Variants in ANKS1B observed in about 807,000 individuals in gnomAD.
ANKS1B encodes the protein ankyrin repeat and sterile alpha motif domain-containing protein 1B.
A neutral mutation model predicts 148.3 loss-of-function variants in ANKS1B; 36 were observed. The observed-to-expected ratio is 0.24, with a 90% confidence interval of 0.19 to 0.32. The LOEUF (loss-of-function observed/expected upper bound fraction) is 0.32. ANKS1B is among the 10% of genes least tolerant of loss of function. The pLI, the probability that ANKS1B is intolerant of heterozygous loss-of-function variation, is 1.00. For synonymous variants in ANKS1B, 542 were observed against 560.8 expected (o/e 0.97, Z 0.47); for missense variants, 1,157 against 1,542.6 (o/e 0.75, Z 4.19).
At chr12:98,969,204 T>C (rs1273879866) in intron 17 of ANKS1B, among the ~76,000 whole-genome samples, 1 of 152,192 alleles carries the variant, frequency 6.6e-6, no homozygotes, top group African/African-American at 2.4e-5. Context: ...TTAGTTTCTC[T>C]GGCCCTCAAT....
intron 15 of ANKS1B, among the ~76,000 whole-genome samples, chr12:99,087,371 C>T (rs2052278198): frequency 6.6e-6 from 1 of 152,070 alleles, no homozygotes; most frequent in Non-Finnish European, 1.5e-5. Flanking sequence ...TAGTGTCATT[C>T]TTATGCTTAA....
At chr12:99,423,367 C>T (rs1022007314) in intron 11 of ANKS1B, among the ~76,000 whole-genome samples, 3 of 152,136 alleles carry the variant, frequency 2.0e-5, no homozygotes, top group Non-Finnish European at 4.4e-5. Context: ...GAAAAAGGAA[C>T]ACTCATACAC....
At chr12:99,783,860 A>G (rs1262208223) in intron 4 of ANKS1B, among the ~76,000 whole-genome samples, 1 of 152,164 alleles carries the variant, frequency 6.6e-6, no homozygotes, top group Non-Finnish European at 1.5e-5. Context: ...ATTTTCAAAT[A>G]CTGGAAGAGA....
intron 17 of ANKS1B, among the ~76,000 whole-genome samples, chr12:98,933,668 T>G (rs895111969): frequency 6.6e-6 from 1 of 152,086 alleles, no homozygotes; most frequent in Admixed American, 6.6e-5. Flanking sequence ...TGGTGTCTTT[T>G]TAAAAAAATA....
intron 19 of ANKS1B, among the ~76,000 whole-genome samples, chr12:98,820,480 G>GA (rs2099177426): frequency 6.6e-6 from 1 of 152,176 alleles, no homozygotes; most frequent in African/African-American, 2.4e-5. Flanking sequence ...GTAGAGCCCT[G>GA]TGGTTTTATG....
intron 8 of ANKS1B, among the ~76,000 whole-genome samples, chr12:99,673,909 G>A (rs1031609356): frequency 2.6e-5 from 4 of 151,186 alleles, no homozygotes; most frequent in Non-Finnish European, 5.9e-5. Flanking sequence ...AATTTAGAAG[G>A]GTAAAGTATG....
Position 98,977,820 on chromosome 12 carries a change from C to T in ANKS1B, c.2778+75337G>A, listed in dbSNP as rs545436865. ...ATATCTGAAATAGCAGTTTATACTT[C>T]ATACTCATACAGTCAATAGACATTG... On this transcript the variant is annotated intron_variant, in intron 17 of 26. Coordinates refer to ENST00000683438, the MANE Select transcript of ANKS1B (RefSeq NM_001352186.2). Among the ~76,000 whole-genome samples the T allele has an allele frequency of 6.8e-4, 104 of 152,202 alleles. 1 individual carries two copies. In the Middle Eastern group the frequency reaches 0.031, roughly 45 times the overall value.
At chr12:98,752,165 C>T (rs2098111119) in intron 25 of ANKS1B, among the ~76,000 whole-genome samples, 1 of 152,336 alleles carries the variant, frequency 6.6e-6, no homozygotes, top group South Asian at 2.1e-4. Flanking sequence ...ATTGATGTCT[C>T]ATGCCTCCCT....
chr12:99,341,727 G>A (rs1407393660), intron 12 of ANKS1B, among the ~76,000 whole-genome samples: 1 of 152,048 alleles, frequency 6.6e-6, no homozygotes, highest in Non-Finnish European at 1.5e-5. Context: ...GGTAAGTACT[G>A]TAAGTAGGTA....
chr12:99,479,200 CTGAAT>C lies in ANKS1B; in HGVS notation c.1438+25271_1438+25275del, dbSNP rs1447037245. Among the ~76,000 whole-genome samples, 9 of 152,040 alleles carry C rather than the reference CTGAAT, an allele frequency of 5.9e-5. No individual in the cohort carries two copies. In the East Asian group the frequency reaches 1.5e-3, roughly 26 times the overall value. ...TTCTAAACATAAAGTTTTCAAATAACTGAATTGAACACCAAAAATCATTTTCCTTT... is the reference window on the plus strand; with the variant it reads ...TTCTAAACATAAAGTTTTCAAATAACTGAACACCAAAAATCATTTTCCTTT... On this transcript the variant is annotated intron_variant, in intron 10 of 26. Transcript: ENST00000683438.
chr12:99,657,344 A>G (rs2098454328), intron 8 of ANKS1B, among the ~76,000 whole-genome samples: 1 of 152,178 alleles, frequency 6.6e-6, no homozygotes, highest in African/African-American at 2.4e-5. Flanking sequence ...CTCCTTTGGT[A>G]CAATAACCTG....
intron 6 of ANKS1B, among the ~76,000 whole-genome samples, chr12:99,777,722 C>T (rs546388603): frequency 6.6e-6 from 1 of 151,794 alleles, no homozygotes; most frequent in Non-Finnish European, 1.5e-5. Flanking sequence ...GTAGCTGGGA[C>T]TACAGGCGCC....
chr12:99,616,021 G>A (rs2097955371), intron 9 of ANKS1B, among the ~76,000 whole-genome samples: 1 of 152,032 alleles, frequency 6.6e-6, no homozygotes, highest in Admixed American at 6.6e-5. Context: ...GCCAAATCAT[G>A]AGTGAACTCC....
intron 8 of ANKS1B, among the ~76,000 whole-genome samples, chr12:99,712,870 T>C (rs981354140): frequency 5.3e-5 from 8 of 151,250 alleles, no homozygotes; most frequent in Non-Finnish European, 1.0e-4. Context: ...GTCCATCCTC[T>C]GGGCCCGTGG....
chr12:99,099,939 C>T (rs533227335), intron 15 of ANKS1B: 14 of 152,276 alleles, frequency 9.2e-5, no homozygotes, highest in African/African-American at 3.1e-4. Flanking sequence ...GGACTGAGCT[C>T]CACAGATTAT....
At chr12:98,837,383 T>A (rs550834901) in intron 17 of ANKS1B, among the ~76,000 whole-genome samples, 1 of 151,274 alleles carries the variant, frequency 6.6e-6, no homozygotes, top group Admixed American at 6.6e-5. Flanking sequence ...AGTTATGGCA[T>A]GTGTTCTTAA....
intron 9 of ANKS1B, among the ~76,000 whole-genome samples, chr12:99,561,250 AC>A (rs2097333438): frequency 1.3e-5 from 2 of 152,194 alleles, no homozygotes; most frequent in Admixed American, 6.5e-5. Context: ...ACAGCATTTT[AC>A]CCAGAGCAGA....
chr12:99,791,097 C>A (rs1243537107), intron 4 of ANKS1B, among the ~76,000 whole-genome samples: 1 of 151,790 alleles, frequency 6.6e-6, no homozygotes, highest in Non-Finnish European at 1.5e-5. Flanking sequence ...TCCATGTCAA[C>A]AGAAACCAAA....
chr12:99,527,520 T>C (rs2096938718), intron 9 of ANKS1B, among the ~76,000 whole-genome samples: 1 of 152,198 alleles, frequency 6.6e-6, no homozygotes, highest in Non-Finnish European at 1.5e-5. Context: ...CCGGAATTCT[T>C]ACTAAATCGG....
Sources: gnomAD v4.1 joint callset for allele counts (sites outside exome capture counted in the v4.1 genomes callset) on GRCh38, gnomAD v4.1.1 for gene constraint, MANE v1.5 for transcripts, NCBI Gene and HGNC (gene_info 2026-07-23, HGNC 2026-07-21) for gene names.